NBPF8: variants seen among roughly 807,000 people sequenced by gnomAD.
The protein encoded by NBPF8 is NBPF family member NBPF8.
intron 3 of NBPF8, among the ~76,000 whole-genome samples, chr1:120,428,081 G>T (rs1257088496): frequency 6.6e-6 from 1 of 152,092 alleles, no homozygotes; most frequent in African/African-American, 2.4e-5. Context: ...GCATCTTAAG[G>T]TTTTATTGCA....
upstream of NBPF8, among the ~76,000 whole-genome samples, chr1:120,431,395 TA>T: frequency 1.7e-5 from 1 of 58,524 alleles, no homozygotes; most frequent in Non-Finnish European, 3.8e-5. Context: ...TATATATATA[TA>T]TATATACAGA....
chr1:120,415,929 G>A (rs1342306202), upstream of NBPF8, among the ~76,000 whole-genome samples: 1 of 152,158 alleles, frequency 6.6e-6, no homozygotes, highest in African/African-American at 2.4e-5. Context: ...TCCTTTCTCC[G>A]AAGAGTTAAC....
At chr1:120,415,288 C>T (rs1431544047), upstream of NBPF8, among the ~76,000 whole-genome samples, 3 of 152,034 alleles carry the variant, frequency 2.0e-5, no homozygotes, top group Admixed American at 6.6e-5. Context: ...GAAGGCGCCG[C>T]GCCAGGCCGG....
upstream of NBPF8, chr1:120,433,267 A>T (rs1315616546): frequency 2.0e-5 from 3 of 152,364 alleles, no homozygotes; most frequent in South Asian, 6.2e-4. Flanking sequence ...AAGTTGGAGG[A>T]CTTACTCTGC....
intron 1 of NBPF8, among the ~76,000 whole-genome samples, chr1:120,420,725 G>A (rs1270040595): frequency 6.9e-5 from 10 of 144,892 alleles, no homozygotes; most frequent in Non-Finnish European, 1.4e-4. Flanking sequence ...GGCCACAGTG[G>A]AATTCTTGGT....
chr1:120,431,374 A>ATG (rs1660872671), upstream of NBPF8, among the ~76,000 whole-genome samples: 1 of 47,186 alleles, frequency 2.1e-5, no homozygotes, highest in Non-Finnish European at 4.5e-5. Flanking sequence ...ATATATATAT[A>ATG]TATATATATA....
At chr1:120,467,889 T>C (rs1422830906), downstream of NBPF8, 1 of 152,194 alleles carries the variant, frequency 6.6e-6, no homozygotes, top group Non-Finnish European at 1.5e-5. Flanking sequence ...ATGTTTACCA[T>C]ACGTAGCAGA....
rs1312270929 is a variant in NBPF8 at position 120,427,855 on chromosome 1, C to T, written n.510+8C>T. Reference sequence around the variant, plus strand: ...GTGAGCCTATGGATCAAGGTGCGTACTCAAACACAGAGAGCTTTCTGAAAG... The same window carrying T: ...GTGAGCCTATGGATCAAGGTGCGTATTCAAACACAGAGAGCTTTCTGAAAG... On this transcript the variant is annotated splice_region_variant and intron_variant and non_coding_transcript_variant, in intron 3 of 28. Transcript: ENST00000652355. Among the ~76,000 whole-genome samples the T allele has an allele frequency of 2.0e-5, 3 of 147,962 alleles. No individual in the cohort carries two copies. The highest frequency in any genetic ancestry group is 3.0e-5 in the Non-Finnish European group (2 of 67,018).
Position 120,452,713 on chromosome 1 carries a change from T to C in NBPF8, n.2289+382T>C, listed in dbSNP as rs1258290697. The stretch of plus-strand genomic sequence containing the variant: ...TAGTAACTGTCAGAGAGTGAATGAC[T>C]TGTCCTTCCTGAGTTTCTCTCTCTC... On this transcript the variant is annotated intron_variant and non_coding_transcript_variant, in intron 13 of 24. Coordinates refer to ENST00000583271, the Ensembl canonical transcript of NBPF8. 5.3e-5 allele frequency among the ~76,000 whole-genome samples: 8 copies of C among 152,380 alleles called. No individual in the cohort carries two copies. In the South Asian group the frequency reaches 1.7e-3, roughly 32 times the overall value.
chr1:120,456,327 C>T (rs1477594657), intron 16 of NBPF8, among the ~76,000 whole-genome samples: 3 of 149,970 alleles, frequency 2.0e-5, no homozygotes, highest in Non-Finnish European at 4.4e-5. Context: ...CCTTGTTAAG[C>T]TTCTGTCTCA....
At chr1:120,415,810 C>T (rs1157365158), upstream of NBPF8, among the ~76,000 whole-genome samples, 3 of 152,052 alleles carry the variant, frequency 2.0e-5, no homozygotes, top group Admixed American at 6.6e-5. Flanking sequence ...TCTAATTCAC[C>T]GCAGGATTTC....
At chr1:120,415,791 G>A (rs1660420193), upstream of NBPF8, among the ~76,000 whole-genome samples, 1 of 152,162 alleles carries the variant, frequency 6.6e-6, no homozygotes, top group African/African-American at 2.4e-5. Context: ...ATGACTAGCG[G>A]GGCAGGCCTC....
exon 13 of NBPF8, chr1:120,452,175 T>C: frequency 6.3e-7 from 1 of 1,599,956 alleles, no homozygotes; most frequent in Non-Finnish European, 8.5e-7. Context: ...AAGGGAGAAG[T>C]TGCGGGAAGG....
At chr1:120,466,291 A>T in exon 25 of NBPF8, 2 of 1,581,856 alleles carry the variant, frequency 1.3e-6, no homozygotes, top group Non-Finnish European at 1.7e-6. Context: ...GATTTGAATG[A>T]AACTATAGTT....
intron 12 of NBPF8, among the ~76,000 whole-genome samples, chr1:120,451,712 TC>T (rs1392683085): frequency 6.7e-6 from 1 of 148,970 alleles, no homozygotes; most frequent in East Asian, 2.0e-4. Flanking sequence ...TTTCGTCTTT[TC>T]AATTCGCCCC....
intron 17 of NBPF8, among the ~76,000 whole-genome samples, chr1:120,460,129 T>TAGA (rs1661536574): frequency 6.6e-6 from 1 of 152,314 alleles, no homozygotes; most frequent in Non-Finnish European, 1.5e-5. Flanking sequence ...TGCTTCTGTG[T>TAGA]AGAACCAAGT....
downstream of NBPF8, among the ~76,000 whole-genome samples, chr1:120,468,214 T>C (rs1477819416): frequency 6.6e-6 from 1 of 150,708 alleles, no homozygotes; most frequent in African/African-American, 2.4e-5. Context: ...CCTAAACATA[T>C]ACCGGTGACA....
At chr1:120,421,868 G>A (rs1381748618) in intron 1 of NBPF8, among the ~76,000 whole-genome samples, 1 of 151,842 alleles carries the variant, frequency 6.6e-6, no homozygotes, top group Non-Finnish European at 1.5e-5. Context: ...GCACTGTCTA[G>A]ATGACTGAGG....
chr1:120,442,920 G>A (rs1661137444), exon 6 of NBPF8: 1 of 178,684 alleles, frequency 5.6e-6, no homozygotes, highest in Non-Finnish European at 1.0e-5. Flanking sequence ...AGGCAGAGAT[G>A]AACATTCTAG....
Sources: allele counts gnomAD v4.1 joint callset (sites outside exome capture counted in the v4.1 genomes callset), GRCh38; gene constraint gnomAD v4.1.1; transcripts MANE v1.5; gene names NCBI Gene and HGNC (gene_info 2026-07-23, HGNC 2026-07-21).